Variants in GBE1 observed in about 807,000 individuals in gnomAD.
GBE1 encodes 1,4-alpha-glucan branching enzyme 1, also known as 1,4-alpha-glucan-branching enzyme.
In GBE1, 70 loss-of-function variants were observed where a neutral mutation model predicts 88.8. The ratio of observed to expected loss-of-function variants is 0.79; its 90% CI spans 0.65 to 0.96. The LOEUF (loss-of-function observed/expected upper bound fraction) is 0.96. GBE1 is among the 40% of genes least tolerant of loss of function. The pLI, the probability that GBE1 is intolerant of heterozygous loss-of-function variation, is 0.00. For missense variants in GBE1, 872 were observed against 871.0 expected (o/e 1.00, Z -0.01); for synonymous variants, 284 against 300.1 (o/e 0.95, Z 0.56).
intron 2 of GBE1, among the ~76,000 whole-genome samples, chr3:81,696,335 C>T (rs771166661): frequency 1.3e-5 from 2 of 152,116 alleles, no homozygotes; most frequent in Non-Finnish European, 2.9e-5. Context: ...CAATGCAAAA[C>T]GATACTCAGA....
intron 7 of GBE1, among the ~76,000 whole-genome samples, chr3:81,633,508 G>C (rs1039727749): frequency 3.9e-5 from 6 of 152,072 alleles, no homozygotes; most frequent in African/African-American, 1.2e-4. Context: ...CAACTTAGAT[G>C]CAAAGCATTA....
At chr3:81,612,037 C>A (rs1273273335) in intron 7 of GBE1, among the ~76,000 whole-genome samples, 1 of 151,992 alleles carries the variant, frequency 6.6e-6, no homozygotes, top group Non-Finnish European at 1.5e-5. Flanking sequence ...TACTAATATG[C>A]ATTAATCAGT....
intron 12 of GBE1, among the ~76,000 whole-genome samples, chr3:81,559,862 C>G (rs1307234073): frequency 6.6e-6 from 1 of 151,938 alleles, no homozygotes; most frequent in African/African-American, 2.4e-5. Flanking sequence ...AATAACAAAA[C>G]AGTAGCTTTC....
At chr3:81,527,079 G>A (rs9825258) in intron 14 of GBE1, among the ~76,000 whole-genome samples, 97,414 of 151,752 alleles carry the variant, frequency 0.64, 32,740 homozygotes, top group East Asian at 0.92. Flanking sequence ...ATCTACAACC[G>A]TCTGATCTTT....
intron 9 of GBE1, among the ~76,000 whole-genome samples, chr3:81,586,762 G>A (rs1703807660): frequency 6.6e-6 from 1 of 150,868 alleles, no homozygotes; most frequent in African/African-American, 2.4e-5. Flanking sequence ...GAGGTTTATT[G>A]AGGTGAAGGG....
At chr3:81,593,663 T>C (rs1013377591) in intron 8 of GBE1, among the ~76,000 whole-genome samples, 16 of 152,034 alleles carry the variant, frequency 1.1e-4, no homozygotes, top group African/African-American at 3.9e-4. Flanking sequence ...TTACAATAAA[T>C]GGTTTCCTCA....
intron 1 of GBE1, among the ~76,000 whole-genome samples, chr3:81,741,686 T>C (rs922459432): frequency 3.3e-5 from 5 of 151,676 alleles, no homozygotes; most frequent in African/African-American, 2.4e-5. Context: ...ACAAGTTCTA[T>C]GTATATGTGG....
chr3:81,727,504 G>A (rs952925620), intron 1 of GBE1, among the ~76,000 whole-genome samples: 1 of 152,178 alleles, frequency 6.6e-6, no homozygotes, highest in Non-Finnish European at 1.5e-5. Flanking sequence ...AGGCACAAGT[G>A]CAGATTCTTA....
rs1195962628 is a variant in GBE1, at chr3:81,490,444, ACT to A, written c.2070_2071del (p.Arg690SerfsTer71). On this transcript the variant is annotated frameshift_variant, in exon 16 of 16. Transcript: ENST00000429644. LOFTEE classifies it high-confidence loss of function. ...ATCCACATTCTGAAGGATGAGGGCC[ACT>A]CTGCTTGGAATGTACACCTACGTCA... 6.2e-7 allele frequency: 1 copy of A among 1,613,166 alleles called. No homozygotes were observed. The highest frequency in any genetic ancestry group is 1.7e-5 in the Admixed American group (1 of 59,958).
chr3:81,712,823 TA>T (rs1406638816), intron 1 of GBE1, among the ~76,000 whole-genome samples: 1 of 151,640 alleles, frequency 6.6e-6, no homozygotes, highest in Non-Finnish European at 1.5e-5. Context: ...AATAAATAAA[TA>T]AAAAAGCTCT....
intron 3 of GBE1, among the ~76,000 whole-genome samples, chr3:81,652,849 G>T (rs1704870229): frequency 6.6e-6 from 1 of 152,128 alleles, no homozygotes; most frequent in Admixed American, 6.5e-5. Context: ...ACTAAACTTT[G>T]CTCACAAAAC....
intron 7 of GBE1, chr3:81,613,123 C>G (rs949130176): frequency 9.1e-6 from 4 of 441,212 alleles, no homozygotes; most frequent in South Asian, 2.2e-5. Context: ...AAAATGTTCT[C>G]CAGTCCTTGG....
intron 12 of GBE1, among the ~76,000 whole-genome samples, chr3:81,570,540 T>C (rs775336332): frequency 2.0e-5 from 3 of 152,204 alleles, no homozygotes; most frequent in Non-Finnish European, 2.9e-5. Context: ...AAAAAGTGCA[T>C]GATCTTTATA....
At chr3:81,619,966 T>G (rs1704302496) in intron 7 of GBE1, among the ~76,000 whole-genome samples, 1 of 151,884 alleles carries the variant, frequency 6.6e-6, no homozygotes, top group African/African-American at 2.4e-5. Context: ...TCATCACCAT[T>G]AAAAAACATA....
At chr3:81,662,090 T>C (rs1179054197) in intron 3 of GBE1, among the ~76,000 whole-genome samples, 1 of 152,200 alleles carries the variant, frequency 6.6e-6, no homozygotes, top group Non-Finnish European at 1.5e-5. Context: ...TGGAGTGCAA[T>C]GGCACAATCT....
chr3:81,696,504 C>T (rs746393143), intron 2 of GBE1, among the ~76,000 whole-genome samples: 2 of 152,172 alleles, frequency 1.3e-5, no homozygotes, highest in Non-Finnish European at 2.9e-5. Flanking sequence ...ATATGTTGTA[C>T]TCAGTCACAC....
At position 81,508,930 on chromosome 3, in the gene GBE1, A is replaced by G. The variant is rs530485457; in HGVS notation, c.1935-9703T>C. Among the ~76,000 whole-genome samples, 3 of 152,206 alleles carry G rather than the reference A, an allele frequency of 2.0e-5. No individual in the cohort carries two copies. In the South Asian group the frequency reaches 6.2e-4, roughly 32 times the overall value. On this transcript the variant is annotated intron_variant, in intron 14 of 15. Transcript: ENST00000429644. Reference sequence around the variant, plus strand: ...TCTCATCTGTAAATGGAGGTAACACATCAGAGGGTGGGTGTAGAGATTAAC... The same window carrying G: ...TCTCATCTGTAAATGGAGGTAACACGTCAGAGGGTGGGTGTAGAGATTAAC...
intron 7 of GBE1, among the ~76,000 whole-genome samples, chr3:81,629,919 A>G (rs1398946101): frequency 8.2e-6 from 1 of 121,232 alleles, no homozygotes; most frequent in African/African-American, 3.3e-5. Flanking sequence ...TCCTGTGTCC[A>G]TGTGTTCTCA....
chr3:81,707,222 C>T (rs984312904), intron 1 of GBE1, among the ~76,000 whole-genome samples: 3 of 151,888 alleles, frequency 2.0e-5, no homozygotes, highest in African/African-American at 7.2e-5. Context: ...AGTCTATAGA[C>T]AACCAGGCAG....
Sources: allele counts gnomAD v4.1 joint callset (sites outside exome capture counted in the v4.1 genomes callset), GRCh38; gene constraint gnomAD v4.1.1; transcripts MANE v1.5; gene names NCBI Gene and HGNC (gene_info 2026-07-23, HGNC 2026-07-21).